The following ZNF444 variants were observed in gnomAD, a reference collection of about 807,000 sequenced individuals.
The protein encoded by ZNF444 is zinc finger protein 444.
A neutral mutation model predicts 14.4 loss-of-function variants in ZNF444; 8 were observed. The observed-to-expected ratio is 0.56, with a 90% CI of 0.33 to 1.00. The LOEUF is 1.00. ZNF444 is among the 50% of genes least tolerant of loss of function. ZNF444 has a pLI of 0.03. For synonymous variants in ZNF444, 258 were observed against 235.9 expected (o/e 1.09, Z -0.86); for missense variants, 510 against 504.8 (o/e 1.01, Z -0.10).
At chr19:56,148,039 T>G in intron 3 of ZNF444, among the ~76,000 whole-genome samples, 1 of 142,178 alleles carries the variant, frequency 7.0e-6, no homozygotes, top group African/African-American at 2.7e-5. Context: ...TGGCTTAGAG[T>G]CCTGTCGGGG....
intron 2 of ZNF444, 24 bp from the exon 3 acceptor site, chr19:56,146,866 G>T: frequency 7.4e-7 from 1 of 1,349,466 alleles, no homozygotes; most frequent in Non-Finnish European, 9.5e-7. Flanking sequence ...GCGGGCAGGG[G>T]TCTCACCGGC....
chr19:56,150,459 C>T (rs564430225), intron 3 of ZNF444: 15 of 363,202 alleles, frequency 4.1e-5, no homozygotes, highest in South Asian at 3.2e-4. Context: ...TTTAGCATCT[C>T]TCTTGTATCT....
rs1205285871 is a variant in ZNF444 at position 56,153,581 on chromosome 19, T to C, written c.298-4913T>C. Among the ~76,000 whole-genome samples, 5 of 152,232 alleles carry C rather than the reference T, an allele frequency of 3.3e-5. No homozygotes were observed. In the East Asian group the frequency reaches 5.8e-4, roughly 18 times the overall value. ...TCCTCACTTCTGTGGAGAGAGAATCTGATCTGTCCAGAAAGATCGAATGAC... is the reference window on the plus strand; with the variant it reads ...TCCTCACTTCTGTGGAGAGAGAATCCGATCTGTCCAGAAAGATCGAATGAC... On this transcript the variant is annotated intron_variant, in intron 3 of 4. Coordinates refer to ENST00000337080, the MANE Select transcript of ZNF444 (RefSeq NM_018337.4).
chr19:56,155,775 G>A (rs1367656741), intron 3 of ZNF444: 1 of 152,248 alleles, frequency 6.6e-6, no homozygotes, highest in African/African-American at 2.4e-5. Flanking sequence ...AGTGACCACA[G>A]AAGACGTCTG....
rs113179751 is a variant in ZNF444, at chr19:56,158,634, C to T, written c.406+32C>T. 24 of 1,553,924 alleles carry T rather than the reference C, an allele frequency of 1.5e-5. No individual in the cohort carries two copies. In the African/African-American group the frequency reaches 2.3e-4, roughly 15 times the overall value. ...TGCTGGCCTCTCTGGTTCTCCCCGC[C>T]AGCCCCCAGCACCGGGGAGGGGGTT... On this transcript the variant is annotated intron_variant, in intron 4 of 4. Coordinates refer to ENST00000337080, the MANE Select transcript of ZNF444 (RefSeq NM_018337.4).
In ZNF444 at chr19:56,147,301, GA is replaced by G; in HGVS notation, c.297+97del. 7.5e-7 allele frequency: 1 copy of G among 1,334,622 alleles called. No individual in the cohort carries two copies. The highest frequency in any genetic ancestry group is 9.7e-7 in the Non-Finnish European group (1 of 1,034,854). The allele number at this position is 1,334,622 out of a possible 1,614,324, so 82.7% of individuals were successfully genotyped here. On this transcript the variant is annotated intron_variant, in intron 3 of 4. Coordinates refer to ENST00000337080, the MANE Select transcript of ZNF444 (RefSeq NM_018337.4). This position sits in a 1 kb window ranked among gnomAD's most constrained non-coding sequence, Gnocchi z 5.9. ...CAGGGAGGAGCACCACTGAACCCCT[GA>G]AAACCAGTGTGACTCGCGGTGGGGA...
chr19:56,160,145 G>T lies in ZNF444; in HGVS notation c.928G>T (p.Ala310Ser), dbSNP rs913262293. Reference protein sequence around the residue: ...HGRAAASAQGAVAPGPDGGGP... With the variant: ...HGRAAASAQGSVAPGPDGGGP... ...CCGGGCAGCGGCCAGCGCGCAGGGGGCGGTAGCTCCGGGCCCGGATGGTGG... is the reference window on the plus strand; with the variant it reads ...CCGGGCAGCGGCCAGCGCGCAGGGGTCGGTAGCTCCGGGCCCGGATGGTGG... Residue 310 changes from alanine to serine, a missense_variant, in exon 5 of 5, where the codon GCG (alanine) becomes TCG (serine). By Grantham distance (99) the Ala-to-Ser change is moderately conservative. Transcript: ENST00000337080. The T allele has an allele frequency of 1.3e-6, 2 of 1,483,966 alleles. No individual in the cohort carries two copies. The highest frequency in any genetic ancestry group is 1.8e-6 in the Non-Finnish European group (2 of 1,125,906). The allele number at this position is 1,483,966 out of a possible 1,614,324, so 91.9% of individuals were successfully genotyped here. A position where few individuals can be genotyped will look rare whatever the true frequency, so the allele number is the denominator to read the frequency against.
chr19:56,137,125 G>A (rs567359099), upstream of ZNF444, among the ~76,000 whole-genome samples: 1 of 151,876 alleles, frequency 6.6e-6, no homozygotes, highest in African/African-American at 2.4e-5. Flanking sequence ...ATGTTGTGCA[G>A]CTGGTCTGGG....
At chr19:56,133,674 G>A (rs959612507) in intron 1 of ZNF444, among the ~76,000 whole-genome samples, 7 of 151,432 alleles carry the variant, frequency 4.6e-5, no homozygotes, top group African/African-American at 1.5e-4. Context: ...TTAGCCGGGC[G>A]TGGTGGCGGG....
upstream of ZNF444, among the ~76,000 whole-genome samples, chr19:56,136,958 T>A (rs371113920): frequency 1.5e-4 from 23 of 151,874 alleles, no homozygotes; most frequent in African/African-American, 5.1e-4. Context: ...TTTTTTTGTA[T>A]TTTTAGTGGA....
At chr19:56,148,548 C>T (rs542959756) in intron 3 of ZNF444, among the ~76,000 whole-genome samples, 1 of 152,192 alleles carries the variant, frequency 6.6e-6, no homozygotes, top group African/African-American at 2.4e-5. Context: ...TGGCCTCATC[C>T]GTCTCCCTTC....
chr19:56,158,387 C>G, intron 3 of ZNF444, 107 bp from the exon 4 acceptor site: 1 of 1,048,766 alleles, frequency 9.5e-7, no homozygotes, highest in Non-Finnish European at 1.3e-6. Context: ...ACTGTGGCTT[C>G]CTCCCAGCAG....
At chr19:56,159,047 T>C (rs1342846688) in intron 4 of ZNF444, among the ~76,000 whole-genome samples, 7 of 150,096 alleles carry the variant, frequency 4.7e-5, no homozygotes, top group Admixed American at 1.3e-4. Context: ...ATCTGTACAT[T>C]CATCCACCCA....
chr19:56,134,616 G>A (rs1193239920), intron 1 of ZNF444, among the ~76,000 whole-genome samples: 1 of 152,124 alleles, frequency 6.6e-6, no homozygotes, highest in African/African-American at 2.4e-5. Context: ...ATTATATGAT[G>A]TTACCAGATG....
Position 56,147,242 on chromosome 19 carries a change from G to A in ZNF444, c.297+34G>A, listed in dbSNP as rs1407100725. ...GGCGGGACTGCAAGCGGGGAAGGGA[G>A]AGGGGAAGGTGCCAGGGAAGCCACC... On this transcript the variant is annotated intron_variant, in intron 3 of 4. Coordinates refer to ENST00000337080, the MANE Select transcript of ZNF444 (RefSeq NM_018337.4). This position sits in a 1 kb window ranked among gnomAD's most constrained non-coding sequence, Gnocchi z 5.9. 3 of 1,401,672 alleles carry A rather than the reference G, an allele frequency of 2.1e-6. No individual in the cohort carries two copies. Among genetic ancestry groups the A allele is most frequent in the Non-Finnish European group, 2.8e-6 (3 of 1,083,788 alleles). 86.8% of individuals were successfully genotyped at this position (1,401,672 alleles called of 1,614,324 possible).
Position 56,145,051 on chromosome 19 carries a change from C to T in ZNF444, c.-196-1196C>T, listed in dbSNP as rs981733008. 1.3e-5 allele frequency among the ~76,000 whole-genome samples: 2 copies of T among 152,244 alleles called. No homozygotes were observed. The highest frequency in any genetic ancestry group is 6.5e-5 in the Admixed American group (1 of 15,280). On this transcript the variant is annotated intron_variant, in intron 1 of 4. Transcript: ENST00000337080. The surrounding 1 kb of genome is among the most constrained non-coding windows in gnomAD (Gnocchi z 4.3). ...AGCTCCAAGGCGGCCGTGGACAGCG[C>T]GTGAGCAAGTGGGCGTGGATGTGCG...
chr19:56,147,943 G>T lies in ZNF444; in HGVS notation c.297+735G>T, dbSNP rs1676436907. On this transcript the variant is annotated intron_variant, in intron 3 of 4. Coordinates refer to ENST00000337080, the MANE Select transcript of ZNF444 (RefSeq NM_018337.4). This position sits in a 1 kb window ranked among gnomAD's most constrained non-coding sequence, Gnocchi z 5.9. ...CACCCACCCACTCATGTCACCTGGGGCTGACACTTGCCACCGTGATGACCA... is the reference window on the plus strand; with the variant it reads ...CACCCACCCACTCATGTCACCTGGGTCTGACACTTGCCACCGTGATGACCA... Among the ~76,000 whole-genome samples the T allele has an allele frequency of 2.0e-5, 3 of 152,312 alleles. No homozygotes were observed. Among genetic ancestry groups the T allele is most frequent in the Admixed American group, 2.0e-4 (3 of 15,302 alleles).
intron 3 of ZNF444, among the ~76,000 whole-genome samples, chr19:56,153,167 T>C (rs1358568546): frequency 2.6e-5 from 4 of 152,126 alleles, no homozygotes; most frequent in African/African-American, 9.7e-5. Context: ...ACAGGGGACA[T>C]TTGGGAATCA....
At chr19:56,139,009 G>A (rs2030676488), upstream of ZNF444, among the ~76,000 whole-genome samples, 1 of 151,614 alleles carries the variant, frequency 6.6e-6, no homozygotes, top group Non-Finnish European at 1.5e-5. Flanking sequence ...GTTGGCCAGG[G>A]TGGTCTCGAA....
Sources: gnomAD v4.1 joint callset for allele counts (sites outside exome capture counted in the v4.1 genomes callset) on GRCh38, gnomAD v4.1.1 for gene constraint, Gnocchi (gnomAD v3.1) non-coding constraint, MANE v1.5 for transcripts, NCBI Gene and HGNC (gene_info 2026-07-23, HGNC 2026-07-21) for gene names.